Variants in CORIN observed in about 807,000 individuals in gnomAD.
CORIN encodes the protein corin, serine peptidase.
In CORIN, 117 loss-of-function variants were observed where a neutral mutation model predicts 125.3. The ratio of observed to expected loss-of-function variants is 0.93; its 90% confidence interval spans 0.80 to 1.09. The LOEUF is 1.09. CORIN is among the 50% of genes least tolerant of loss of function. The pLI is 0.00. For synonymous variants in CORIN, 450 were observed against 466.4 expected (o/e 0.96, Z 0.45); for missense variants, 1,253 against 1,306.7 (o/e 0.96, Z 0.63).
At chr4:47,644,791 AT>A (rs1351425913) in intron 14 of CORIN, among the ~76,000 whole-genome samples, 7 of 152,212 alleles carry the variant, frequency 4.6e-5, no homozygotes, top group African/African-American at 1.7e-4. Flanking sequence ...ATATTTGTAT[AT>A]TATTTTCTTT....
intron 2 of CORIN, among the ~76,000 whole-genome samples, chr4:47,793,757 A>G (rs1731175517): frequency 6.6e-6 from 1 of 152,202 alleles, no homozygotes; most frequent in East Asian, 1.9e-4. Context: ...GTACAGATAT[A>G]GGAGTATGAA....
At chr4:47,597,300 T>G (rs2109496756) in intron 21 of CORIN, among the ~76,000 whole-genome samples, 1 of 147,142 alleles carries the variant, frequency 6.8e-6, no homozygotes, top group Admixed American at 7.0e-5. Context: ...TGCAGTGAGC[T>G]GAGATCACAC....
At chr4:47,683,172 T>C (rs1202393279) in intron 7 of CORIN, 1 of 152,240 alleles carries the variant, frequency 6.6e-6, no homozygotes, top group Non-Finnish European at 1.5e-5. Flanking sequence ...ATTCATGAGA[T>C]GGCATTCAGA....
chr4:47,745,960 A>G (rs1047553057), intron 4 of CORIN, among the ~76,000 whole-genome samples: 1 of 152,232 alleles, frequency 6.6e-6, no homozygotes, highest in Non-Finnish European at 1.5e-5. Context: ...AATTGTCTAC[A>G]TACATTAATA....
At chr4:47,634,483 A>C (rs1000079248) in intron 16 of CORIN, among the ~76,000 whole-genome samples, 6 of 152,026 alleles carry the variant, frequency 3.9e-5, no homozygotes, top group Admixed American at 2.0e-4. Flanking sequence ...AAAATACAAA[A>C]ATTAGCCAGG....
rs148673415 is a variant in CORIN at position 47,817,710 on chromosome 4, T to C, written c.64-10663A>G. On this transcript the variant is annotated intron_variant, in intron 1 of 21. Transcript: ENST00000273857. ...GAAAGGCTGCCCCAAATTCTATTCC[T>C]CCTTATGTTGTTTTAAGCTACATTC... is the stretch of plus-strand genomic sequence containing the variant. Among the ~76,000 whole-genome samples the C allele has an allele frequency of 7.5e-4, 114 of 152,306 alleles. 1 individual carries two copies. In the East Asian group the frequency reaches 0.021, roughly 28 times the overall value.
At chr4:47,617,593 C>T (rs1392639537) in intron 19 of CORIN, among the ~76,000 whole-genome samples, 1 of 152,202 alleles carries the variant, frequency 6.6e-6, no homozygotes, top group Non-Finnish European at 1.5e-5. Flanking sequence ...TGCTCACTCC[C>T]CAGTGATGCT....
intron 5 of CORIN, among the ~76,000 whole-genome samples, chr4:47,703,874 C>T (rs1242440067): frequency 1.3e-5 from 2 of 152,208 alleles, no homozygotes; most frequent in Admixed American, 6.5e-5. Flanking sequence ...TTCTTTGAAA[C>T]AACCCAGATA....
intron 16 of CORIN, among the ~76,000 whole-genome samples, chr4:47,635,682 C>T (rs1282825932): frequency 6.6e-6 from 1 of 152,124 alleles, no homozygotes; most frequent in Non-Finnish European, 1.5e-5. Context: ...TCAGTCCAAA[C>T]TGTAAAATAG....
intron 4 of CORIN, among the ~76,000 whole-genome samples, chr4:47,754,476 T>C (rs1046038170): frequency 7.2e-5 from 11 of 152,294 alleles, no homozygotes; most frequent in Non-Finnish European, 1.2e-4. Flanking sequence ...CTGATCTATA[T>C]ATATTTTAAA....
intron 12 of CORIN, 102 bp downstream of exon 12, chr4:47,661,609 A>T: frequency 2.7e-6 from 3 of 1,122,802 alleles, no homozygotes; most frequent in Non-Finnish European, 3.7e-6. Context: ...GAAACTAAAT[A>T]GAAAACAAAC....
Position 47,689,974 on chromosome 4 carries a change from T to C in CORIN, c.913+2996A>G, listed in dbSNP as rs1353399308. Among the ~76,000 whole-genome samples the C allele has an allele frequency of 5.3e-5, 8 of 152,254 alleles. No homozygotes were observed. In the South Asian group the frequency reaches 1.7e-3, roughly 32 times the overall value. On this transcript the variant is annotated intron_variant, in intron 6 of 21. Coordinates refer to ENST00000273857, the MANE Select transcript of CORIN (RefSeq NM_006587.4). ...GTAGACATTTCTAAAATTTTCCTGG[T>C]TTTTGAAAATTTTTCTACTGCACCA...
At chr4:47,765,314 A>ACCCC (rs1560538936) in intron 3 of CORIN, among the ~76,000 whole-genome samples, 2 of 137,082 alleles carry the variant, frequency 1.5e-5, no homozygotes, top group African/African-American at 5.9e-5. Flanking sequence ...CCGTCCCCCA[A>ACCCC]AAAAAAAAAA....
intron 21 of CORIN, among the ~76,000 whole-genome samples, chr4:47,596,551 G>A (rs570240218): frequency 6.6e-6 from 1 of 152,172 alleles, no homozygotes; most frequent in Admixed American, 6.5e-5. Context: ...AAGGATTCCA[G>A]TTGAACTATA....
intron 1 of CORIN, among the ~76,000 whole-genome samples, chr4:47,816,875 T>C (rs1027936706): frequency 6.6e-5 from 10 of 151,858 alleles, no homozygotes; most frequent in Admixed American, 2.6e-4. Context: ...CACACACTCA[T>C]TGTGACCAAC....
At chr4:47,687,206 T>C (rs1458552129) in intron 6 of CORIN, among the ~76,000 whole-genome samples, 4 of 152,186 alleles carry the variant, frequency 2.6e-5, no homozygotes, top group Admixed American at 2.6e-4. Context: ...GTGTGATTAG[T>C]AAACACGCAA....
chr4:47,767,708 G>A (rs898046848), intron 3 of CORIN, among the ~76,000 whole-genome samples: 1 of 152,136 alleles, frequency 6.6e-6, no homozygotes, highest in African/African-American at 2.4e-5. Flanking sequence ...AATGAGAATA[G>A]GATGCTAAGA....
intron 5 of CORIN, among the ~76,000 whole-genome samples, chr4:47,695,475 C>G (rs997786833): frequency 1.3e-5 from 2 of 152,200 alleles, no homozygotes; most frequent in Non-Finnish European, 2.9e-5. Flanking sequence ...CCAGTAAAGC[C>G]ATTTCTTGCA....
intron 14 of CORIN, among the ~76,000 whole-genome samples, chr4:47,644,076 G>A (rs1723358301): frequency 6.6e-6 from 1 of 152,026 alleles, no homozygotes; most frequent in East Asian, 1.9e-4. Context: ...TTTTTGATTG[G>A]TTCTCCCTGC....
Sources: gnomAD v4.1 joint callset for allele counts (sites outside exome capture counted in the v4.1 genomes callset) on GRCh38, gnomAD v4.1.1 for gene constraint, MANE v1.5 for transcripts, NCBI Gene and HGNC (gene_info 2026-07-23, HGNC 2026-07-21) for gene names.